MEGF11: variants seen among roughly 807,000 people sequenced by gnomAD.
MEGF11 encodes multiple epidermal growth factor-like domains protein 11.
A neutral mutation model predicts 146.6 loss-of-function variants in MEGF11; 126 were observed. The ratio of observed to expected loss-of-function variants is 0.86; its 90% CI spans 0.74 to 1.00. MEGF11 has a LOEUF of 1.00. MEGF11 is among the 50% of genes least tolerant of loss of function. MEGF11 has a pLI of 0.00. For synonymous variants in MEGF11, 532 were observed against 583.4 expected, an observed-to-expected ratio of 0.91 and a Z score of 1.27; for missense variants, 1,509 against 1,521.2, an observed-to-expected ratio of 0.99 and a Z score of 0.13.
At chr15:66,235,844 C>T (rs572304518) in intron 1 of MEGF11, among the ~76,000 whole-genome samples, 1 of 152,304 alleles carries the variant, frequency 6.6e-6, no homozygotes, top group African/African-American at 2.4e-5. Context: ...ATCAAGTCTC[C>T]ATATCAAGGA....
At chr15:66,223,582 G>A (rs1406359523) in intron 1 of MEGF11, among the ~76,000 whole-genome samples, 1 of 152,130 alleles carries the variant, frequency 6.6e-6, no homozygotes, top group African/African-American at 2.4e-5. Flanking sequence ...AATTAGCCAG[G>A]CGTGGTGGCA....
chr15:66,216,122 T>C (rs1470170688), intron 1 of MEGF11, among the ~76,000 whole-genome samples: 4 of 152,184 alleles, frequency 2.6e-5, no homozygotes, highest in Admixed American at 6.5e-5. Flanking sequence ...CAGAGATTGA[T>C]GGCTTCTGTC....
Position 65,915,350 on chromosome 15 carries a change from G to C in MEGF11, c.2473+120C>G. 3 of 1,339,532 alleles carry C rather than the reference G, an allele frequency of 2.2e-6. No individual in the cohort carries two copies. In the East Asian group the frequency reaches 7.5e-5, roughly 34 times the overall value. 83.0% of individuals were successfully genotyped at this position (1,339,532 alleles called of 1,614,324 possible). On this transcript the variant is annotated intron_variant, in intron 19 of 25. Transcript: ENST00000395614. ...CTCTGCAGCCCACCCTATTCCTGCT[G>C]TCCTCACAAATGTGAATAAAGGGAA...
chr15:65,955,352 T>A (rs1206006825), intron 10 of MEGF11, among the ~76,000 whole-genome samples: 1 of 151,550 alleles, frequency 6.6e-6, no homozygotes, highest in African/African-American at 2.4e-5. Flanking sequence ...AGTTCATTTT[T>A]ACCCAGTTTT....
chr15:66,047,101 C>T (rs182311297), intron 5 of MEGF11, among the ~76,000 whole-genome samples: 2 of 152,350 alleles, frequency 1.3e-5, no homozygotes, highest in African/African-American at 4.8e-5. Context: ...TTGTGCTGAC[C>T]TCTGCCTTTT....
At position 66,086,010 on chromosome 15, in the gene MEGF11, A is replaced by G. The variant is rs145193948; in HGVS notation, c.394+8392T>C. Among the ~76,000 whole-genome samples, 24 of 152,338 alleles carry G rather than the reference A, an allele frequency of 1.6e-4. No individual in the cohort carries two copies. The East Asian group carries it at 4.6e-3, about 29-fold the overall frequency. On this transcript the variant is annotated intron_variant, in intron 5 of 25. Transcript: ENST00000395614. The stretch of plus-strand genomic sequence containing the variant: ...GGAAACTTTGAGCACACTTTTAGAA[A>G]TGCAAAATGCTCTGGAAAGTCTCAG...
At chr15:66,107,107 G>A (rs1394394139) in intron 4 of MEGF11, among the ~76,000 whole-genome samples, 3 of 151,748 alleles carry the variant, frequency 2.0e-5, no homozygotes, top group South Asian at 2.1e-4. Context: ...TGCCTGCAAC[G>A]AGGGACCCTG....
intron 3 of MEGF11, 127 bp downstream of exon 3, chr15:66,123,772 T>C (rs2088174382): frequency 2.8e-6 from 2 of 720,900 alleles, no homozygotes; most frequent in Non-Finnish European, 4.9e-6. Flanking sequence ...CAGCAGAGCA[T>C]CTTGGGTGTT....
intron 1 of MEGF11, among the ~76,000 whole-genome samples, chr15:66,214,030 C>CTTTTTTT (rs11303068): frequency 4.3e-5 from 4 of 92,342 alleles, no homozygotes; most frequent in East Asian, 5.8e-4. Flanking sequence ...GAGCCGGCCA[C>CTTTTTTT]TTTTTTTTTT....
intron 9 of MEGF11, among the ~76,000 whole-genome samples, chr15:65,960,200 G>C (rs1221216751): frequency 6.6e-6 from 1 of 152,222 alleles, no homozygotes; most frequent in Non-Finnish European, 1.5e-5. Context: ...GCTATCTCTG[G>C]ATTGAGAAAC....
At chr15:66,226,253 CTTT>C (rs1317609352) in intron 1 of MEGF11, among the ~76,000 whole-genome samples, 1 of 137,272 alleles carries the variant, frequency 7.3e-6, no homozygotes, top group Admixed American at 7.7e-5. Flanking sequence ...CCTTATTTTA[CTTT>C]TTTTTTTTTT....
At chr15:66,043,307 T>A (rs896215198) in intron 5 of MEGF11, among the ~76,000 whole-genome samples, 7 of 152,182 alleles carry the variant, frequency 4.6e-5, no homozygotes, top group African/African-American at 1.4e-4. Flanking sequence ...ACCAGCTCTG[T>A]GGGTCCTCTT....
intron 4 of MEGF11, 107 bp from the exon 5 acceptor site, chr15:66,094,601 A>AGT: frequency 5.2e-6 from 5 of 953,886 alleles, no homozygotes; most frequent in Non-Finnish European, 8.0e-6. Context: ...GTGCCCAGGG[A>AGT]TGCTTAGAAC....
intron 20 of MEGF11, 197 bp from the exon 21 acceptor site, chr15:65,912,397 T>G (rs1429334683): frequency 2.7e-6 from 1 of 369,256 alleles, no homozygotes; most frequent in Non-Finnish European, 4.8e-6. Context: ...TCCCTTACGC[T>G]GGTCCTCCCT....
chr15:66,127,637 C>T (rs569366959), intron 2 of MEGF11, among the ~76,000 whole-genome samples: 2 of 152,322 alleles, frequency 1.3e-5, no homozygotes, highest in South Asian at 2.1e-4. Flanking sequence ...CGGTTTTTTC[C>T]TGATTGGGTC....
intron 3 of MEGF11, among the ~76,000 whole-genome samples, chr15:66,121,151 G>A (rs374871851): frequency 1.3e-5 from 2 of 152,182 alleles, no homozygotes; most frequent in Non-Finnish European, 2.9e-5. Context: ...TTAATAAGCA[G>A]CCACCACCTC....
intron 1 of MEGF11, among the ~76,000 whole-genome samples, chr15:66,159,904 A>C (rs577266701): frequency 2.6e-5 from 4 of 152,298 alleles, no homozygotes; most frequent in Non-Finnish European, 5.9e-5. Context: ...CTCTGTGGAC[A>C]AGGTGAGTTG....
At chr15:65,989,666 T>C (rs77484972) in intron 5 of MEGF11, among the ~76,000 whole-genome samples, 80 of 152,364 alleles carry the variant, frequency 5.3e-4, no homozygotes, top group Non-Finnish European at 9.0e-4. Flanking sequence ...CCTTGCTCTT[T>C]CCAGGCCTAA....
At chr15:65,993,058 CAGACG>C (rs1448300689) in intron 5 of MEGF11, among the ~76,000 whole-genome samples, 1 of 152,216 alleles carries the variant, frequency 6.6e-6, no homozygotes, top group Non-Finnish European at 1.5e-5. Context: ...GCCAGGTCTC[CAGACG>C]GTGCTGATCA....
Sources: gnomAD v4.1 joint callset for allele counts (sites outside exome capture counted in the v4.1 genomes callset) on GRCh38, gnomAD v4.1.1 for gene constraint, MANE v1.5 for transcripts, NCBI Gene and HGNC (gene_info 2026-07-23, HGNC 2026-07-21) for gene names.